The following LRRTM1 variants were observed in gnomAD, a reference collection of about 807,000 sequenced individuals.
LRRTM1 encodes leucine-rich repeat transmembrane neuronal protein 1.
A neutral mutation model predicts 37.3 loss-of-function variants in LRRTM1; 8 were observed. That is an observed-to-expected ratio of 0.21 (90% CI 0.13 to 0.39). LRRTM1 has a LOEUF of 0.39. Among genes scored for constraint, LRRTM1 ranks in the 10% least tolerant of loss-of-function variants. LRRTM1 has a pLI of 1.00. For missense variants in LRRTM1, 557 were observed against 691.0 expected (o/e 0.81, Z 2.17); for synonymous variants, 326 against 316.8 (o/e 1.03, Z -0.31).
At chr2:80,291,918 G>A (rs1318407724) in intron 2 of LRRTM1, among the ~76,000 whole-genome samples, 1 of 152,228 alleles carries the variant, frequency 6.6e-6, no homozygotes, top group Non-Finnish European at 1.5e-5. Flanking sequence ...AAGTCAGTGA[G>A]TGGTGTATGG....
chr2:80,303,068 G>A lies in LRRTM1; in HGVS notation c.752C>T (p.Ser251Leu). 1 of 1,613,984 alleles carries A rather than the reference G, an allele frequency of 6.2e-7. No individual in the cohort carries two copies. The highest frequency in any genetic ancestry group is 8.5e-7 in the Non-Finnish European group (1 of 1,180,020). Residue 251 changes from serine to leucine, a missense_variant, in exon 2 of 2, where the codon TCG (serine) becomes TTG (leucine). Coordinates refer to ENST00000295057, the MANE Select transcript of LRRTM1 (RefSeq NM_178839.5). The surrounding 1 kb of genome is among the most constrained non-coding windows in gnomAD (Gnocchi z 7.7). ...RRNKVAIVVS[S>L]LDWVWNLEKM... is the part of the protein sequence containing the mutation. ...CTCCAGGTTCCAAACCCAGTCCAGC[G>A]AGCTGACCACAATGGCCACCTTGTT...
In LRRTM1 at chr2:80,302,983, C is replaced by T; in HGVS notation, c.837G>A (p.Val279=). The T allele has an allele frequency of 2.5e-6, 4 of 1,613,696 alleles. No homozygotes were observed. The highest frequency in any genetic ancestry group is 3.4e-6 in the Non-Finnish European group (4 of 1,179,964). ...CCAGCTGCAGGGACTGCAGGTGCGG[C>T]ACGGTCTCGAACACATGGGGCTCCA... The part of the protein sequence containing the change: ...EYMEPHVFET[V]PHLQSLQLDS... Residue 279 remains valine (V), a synonymous_variant, in exon 2 of 2, where the codon GTG becomes GTA. Transcript: ENST00000295057. The surrounding 1 kb of genome is among the most constrained non-coding windows in gnomAD (Gnocchi z 6.4).
Position 80,304,231 on chromosome 2 carries a change from C to T in LRRTM1, c.-139G>A, listed in dbSNP as rs1406738999. On this transcript the variant is annotated 5_prime_UTR_variant, in exon 1 of 2. Transcript: ENST00000295057. Reference sequence around the variant, plus strand: ...ATTATATGCAGGGCGAGAGAAGACCCCTCTGTGTTTCCGAGGCAGCCCCGG... The same window carrying T: ...ATTATATGCAGGGCGAGAGAAGACCTCTCTGTGTTTCCGAGGCAGCCCCGG... The T allele has an allele frequency of 6.3e-6, 1 of 158,812 alleles. No homozygotes were observed. The highest frequency in any genetic ancestry group is 2.4e-5 in the African/African-American group (1 of 41,760). 9.8% of individuals were successfully genotyped at this position (158,812 alleles called of 1,614,324 possible). A position where few individuals can be genotyped will look rare whatever the true frequency, so the allele number is the denominator to read the frequency against.
intron 2 of LRRTM1, among the ~76,000 whole-genome samples, chr2:80,296,531 C>T (rs542481681): frequency 1.4e-3 from 208 of 152,224 alleles, no homozygotes; most frequent in African/African-American, 4.9e-3. Flanking sequence ...TATCAGTGAA[C>T]CTAAGGGCTT....
At position 80,303,043 on chromosome 2, in the gene LRRTM1, C is replaced by T; in HGVS notation, c.777G>A (p.Glu259=). ...TCTCGTTGCCCGACAAGTCCATTTT[C>T]TCCAGGTTCCAAACCCAGTCCAGCG... is the stretch of plus-strand genomic sequence containing the variant. ...VSSLDWVWNL[E]KMDLSGNEIE... The change falls in exon 2 of 2, where the codon GAG becomes GAA. Residue 259 remains glutamate (E), a synonymous_variant. Transcript: ENST00000295057. The surrounding 1 kb of genome is among the most constrained non-coding windows in gnomAD (Gnocchi z 7.7). 6.2e-7 allele frequency: 1 copy of T among 1,613,888 alleles called. No homozygotes were observed. The highest frequency in any genetic ancestry group is 1.7e-5 in the Admixed American group (1 of 59,984).
intron 2 of LRRTM1, among the ~76,000 whole-genome samples, chr2:80,289,985 A>G (rs559155915): frequency 4.8e-4 from 73 of 152,310 alleles, no homozygotes; most frequent in African/African-American, 1.7e-3. Context: ...TGAGGGGCCA[A>G]CCACAGAGCT....
At chr2:80,294,048 T>C in intron 2 of LRRTM1, among the ~76,000 whole-genome samples, 1 of 152,146 alleles carries the variant, frequency 6.6e-6, no homozygotes. Context: ...TTGTATATTT[T>C]GAGCAGGACT....
downstream of LRRTM1, among the ~76,000 whole-genome samples, chr2:80,301,245 T>C (rs554902897): frequency 2.0e-5 from 3 of 152,326 alleles, no homozygotes; most frequent in East Asian, 5.8e-4. Context: ...GCTGCAGTCT[T>C]AGCAATGTGC....
In LRRTM1 at chr2:80,293,688, C is replaced by T. The variant is rs151179993; in HGVS notation, c.*307-4493G>A. The stretch of plus-strand genomic sequence containing the variant: ...TCCTTGTTTAAGTTGCAAAAATCCC[C>T]GGAGTAGAATTATCACCACTCCACC... On this transcript the variant is annotated intron_variant and NMD_transcript_variant, in intron 2 of 2. Transcript: ENST00000417012. Among the ~76,000 whole-genome samples, 494 of 152,196 alleles carry T rather than the reference C, an allele frequency of 3.2e-3. 3 individuals are homozygous for T. The highest frequency in any genetic ancestry group is 0.011 in the African/African-American group (473 of 41,538).
intron 2 of LRRTM1, chr2:80,289,288 T>C (rs1675034644): frequency 6.6e-6 from 1 of 152,190 alleles, no homozygotes; most frequent in African/African-American, 2.4e-5. Context: ...AAGGGATCTT[T>C]GTAACTTCCC....
downstream of LRRTM1, chr2:80,298,473 CCATG>C (rs1282102366): frequency 1.3e-5 from 2 of 152,152 alleles, no homozygotes; most frequent in African/African-American, 2.4e-5. Flanking sequence ...TTCTACTGGG[CCATG>C]TCAGATAGAC....
downstream of LRRTM1, among the ~76,000 whole-genome samples, chr2:80,301,123 A>C (rs1676265570): frequency 1.3e-5 from 2 of 152,036 alleles, no homozygotes; most frequent in South Asian, 4.2e-4. Context: ...TCTGCCCCTA[A>C]AGTCTCTTGC....
At position 80,302,496 on chromosome 2, in the gene LRRTM1, C is replaced by T; in HGVS notation, c.1324G>A (p.Val442Met). 1 of 1,613,724 alleles carries T rather than the reference C, an allele frequency of 6.2e-7. No homozygotes were observed. The highest frequency in any genetic ancestry group is 8.5e-7 in the Non-Finnish European group (1 of 1,180,034). The change falls in exon 2 of 2, where the codon GTG becomes ATG. Residue 442 changes from valine to methionine, a missense_variant. Transcript: ENST00000295057. The surrounding 1 kb of genome is among the most constrained non-coding windows in gnomAD (Gnocchi z 6.4). ...TMALIFSFLI[V>M]VLVLYVSWKC... ...CAGGACACGTAGAGCACCAGGACCA[C>T]GATGAGGAAGGAGAAGATGAGGGCC...
chr2:80,291,976 CTT>C (rs1426888209), intron 2 of LRRTM1, among the ~76,000 whole-genome samples: 1 of 152,170 alleles, frequency 6.6e-6, no homozygotes, highest in Non-Finnish European at 1.5e-5. Flanking sequence ...CATGTGTAGT[CTT>C]TGCAACTCCA....
rs570950310 is a variant in LRRTM1, at chr2:80,302,730, C to G, written c.1090G>C (p.Glu364Gln). The stretch of plus-strand genomic sequence containing the variant: ...CCGCTGGTGGGCTCGGCCCCATCCT[C>G]GCACAGGTGGAAGGCGTACACGGCG... ...LDAVYAFHLCEDGAEPTSGHL... is the reference protein window; with the variant it reads ...LDAVYAFHLCQDGAEPTSGHL... Residue 364 changes from glutamate to glutamine, a missense_variant, in exon 2 of 2, where the codon GAG (glutamate) becomes CAG (glutamine). Glu to Gln is a conservative substitution (Grantham distance 29). Coordinates refer to ENST00000295057, the MANE Select transcript of LRRTM1 (RefSeq NM_178839.5). This position sits in a 1 kb window ranked among gnomAD's most constrained non-coding sequence, Gnocchi z 6.4. 5 of 1,613,028 alleles carry G rather than the reference C, an allele frequency of 3.1e-6. No individual in the cohort carries two copies. The highest frequency in any genetic ancestry group is 2.2e-5 in the East Asian group (1 of 44,846).
In LRRTM1 at chr2:80,302,174, C is replaced by T. The variant is rs1252354629; in HGVS notation, c.*77G>A. 1.3e-6 allele frequency: 2 copies of T among 1,544,984 alleles called. No homozygotes were observed. The highest frequency in any genetic ancestry group is 1.8e-5 in the Admixed American group (1 of 54,876). On this transcript the variant is annotated 3_prime_UTR_variant, in exon 2 of 2. Transcript: ENST00000295057. The surrounding 1 kb of genome is among the most constrained non-coding windows in gnomAD (Gnocchi z 6.4). ...ATATCAGAGCACAGACAAGGAGACC[C>T]CAGCCTGGTGCCCGCCGGCCCGTCC...
downstream of LRRTM1, among the ~76,000 whole-genome samples, chr2:80,300,236 G>A (rs1676125283): frequency 6.6e-6 from 1 of 150,718 alleles, no homozygotes; most frequent in South Asian, 2.1e-4. Flanking sequence ...TATAAATAAA[G>A]CAAGATGAAG....
At chr2:80,296,621 G>A (rs543885809) in intron 2 of LRRTM1, among the ~76,000 whole-genome samples, 120 of 152,306 alleles carry the variant, frequency 7.9e-4, no homozygotes, top group East Asian at 9.7e-4. Flanking sequence ...TAACTCAGAA[G>A]TAAGACCATT....
downstream of LRRTM1, among the ~76,000 whole-genome samples, chr2:80,300,916 G>T (rs1335411328): frequency 6.6e-6 from 1 of 151,630 alleles, no homozygotes; most frequent in Non-Finnish European, 1.5e-5. Flanking sequence ...AACCTATGAG[G>T]GGTGAGAAGG....
Sources: gnomAD v4.1 joint callset for allele counts (sites outside exome capture counted in the v4.1 genomes callset) on GRCh38, gnomAD v4.1.1 for gene constraint, Gnocchi (gnomAD v3.1) non-coding constraint, MANE v1.5 for transcripts, NCBI Gene and HGNC (gene_info 2026-07-23, HGNC 2026-07-21) for gene names.